The following PODXL variants were observed in gnomAD, a reference collection of about 807,000 sequenced individuals.
The protein encoded by PODXL is podocalyxin.
PODXL carries 20 observed loss-of-function variants against 48.9 expected under a neutral mutation model. The ratio of observed to expected loss-of-function variants is 0.41; its 90% CI spans 0.29 to 0.59. PODXL has a LOEUF of 0.59. Among genes scored for constraint, PODXL ranks in the 20% least tolerant of loss-of-function variants. The pLI, the probability that PODXL is intolerant of heterozygous loss-of-function variation, is 0.31. For synonymous variants in PODXL, 295 were observed against 287.4 expected, an observed-to-expected ratio of 1.03 and a Z score of -0.27; for missense variants, 606 against 675.1, an observed-to-expected ratio of 0.90 and a Z score of 1.13.
Position 131,500,732 on chromosome 7 carries a change from G to GTTCT in PODXL, c.*3575_*3578dup, listed in dbSNP as rs1366271970. The GTTCT allele has an allele frequency of 6.6e-6, 1 of 152,214 alleles. No individual in the cohort carries two copies. Among genetic ancestry groups the GTTCT allele is most frequent in the Non-Finnish European group, 1.5e-5 (1 of 68,034 alleles). The allele number at this position is 152,214 out of a possible 1,614,324, so 9.4% of individuals were successfully genotyped here. A position where few individuals can be genotyped will look rare whatever the true frequency, so the allele number is the denominator to read the frequency against. On this transcript the variant is annotated 3_prime_UTR_variant, in exon 9 of 9. Transcript: ENST00000378555. Reference sequence around the variant, plus strand: ...GATTCAGAGAAAGTGTAGAAGACCAGTTCTTATGTTTGTGTTCATGCCCTC... The same window carrying GTTCT: ...GATTCAGAGAAAGTGTAGAAGACCAGTTCTTTCTTATGTTTGTGTTCATGCCCTC...
intron 1 of PODXL, among the ~76,000 whole-genome samples, chr7:131,552,429 C>T (rs1406505066): frequency 1.3e-5 from 2 of 152,196 alleles, no homozygotes; most frequent in Admixed American, 1.3e-4. Context: ...GTCCCCTTCC[C>T]CTCTCAGCTT....
At chr7:131,516,689 T>G (rs1226320469) in intron 1 of PODXL, among the ~76,000 whole-genome samples, 1 of 151,902 alleles carries the variant, frequency 6.6e-6, no homozygotes, top group Admixed American at 6.6e-5. Flanking sequence ...TGAGAATGTA[T>G]TATAAATAAT....
intron 1 of PODXL, among the ~76,000 whole-genome samples, chr7:131,531,988 T>C (rs1245212804): frequency 6.6e-6 from 1 of 151,960 alleles, no homozygotes; most frequent in Non-Finnish European, 1.5e-5. Flanking sequence ...TGCATGGCTG[T>C]AATCCCAGCT....
At chr7:131,555,030 G>A (rs1798722186) in intron 1 of PODXL, among the ~76,000 whole-genome samples, 1 of 152,192 alleles carries the variant, frequency 6.6e-6, no homozygotes. Context: ...GTCTCCCGCC[G>A]GCCACAGGAG....
chr7:131,533,102 C>T (rs567570228), intron 1 of PODXL, among the ~76,000 whole-genome samples: 1 of 152,344 alleles, frequency 6.6e-6, no homozygotes, highest in East Asian at 1.9e-4. Flanking sequence ...GCTGCTCCAA[C>T]TGTCTGGGGC....
Position 131,501,151 on chromosome 7 carries a change from A to G in PODXL, c.*3160T>C, listed in dbSNP as rs1227448763. On this transcript the variant is annotated 3_prime_UTR_variant, in exon 9 of 9. Transcript: ENST00000378555. Reference sequence around the variant, plus strand: ...TGATCTACAAGACAAATACTTTATCATAAGTTTGTCTTGTTATATTTCATT... The same window carrying G: ...TGATCTACAAGACAAATACTTTATCGTAAGTTTGTCTTGTTATATTTCATT... The G allele has an allele frequency of 1.3e-5, 2 of 152,588 alleles. No individual in the cohort carries two copies. The highest frequency in any genetic ancestry group is 4.8e-5 in the African/African-American group (2 of 41,408). 9.5% of individuals were successfully genotyped at this position (152,588 alleles called of 1,614,324 possible).
chr7:131,556,513 G>C lies in PODXL; in HGVS notation c.-154C>G. On this transcript the variant is annotated 5_prime_UTR_variant, in exon 1 of 9. Transcript: ENST00000378555. The stretch of plus-strand genomic sequence containing the variant: ...CGGGGCTCCCGAGTCGCGCTGCGGC[G>C]GCTCTTCCTCCCTGCCGCTGCAGCA... The C allele has an allele frequency of 1.1e-6, 1 of 912,490 alleles. No individual in the cohort carries two copies. The highest frequency in any genetic ancestry group is 1.4e-6 in the Non-Finnish European group (1 of 695,260). 56.5% of individuals were successfully genotyped at this position (912,490 alleles called of 1,614,324 possible).
In PODXL at chr7:131,509,463, TA is replaced by T. The variant is rs1797872296; in HGVS notation, c.924del (p.Thr309ProfsTer6). The T allele has an allele frequency of 6.2e-7, 1 of 1,613,684 alleles. No individual in the cohort carries two copies. Among genetic ancestry groups the T allele is most frequent in the African/African-American group, 1.3e-5 (1 of 74,874 alleles). ...CTGGAGCTCATGGTCTCTGGCAGGG[TA>T]GGTGTTCTCAATGCCGTTGCCGGGC... ...PTSPATALRT[P>X]TLPETMSSSP... On this transcript the variant is annotated frameshift_variant, in exon 4 of 9. Coordinates refer to ENST00000378555, the MANE Select transcript of PODXL (RefSeq NM_001018111.3). LOFTEE classifies it high-confidence loss of function.
At position 131,506,617 on chromosome 7, in the gene PODXL, C is replaced by A. The variant is rs370901943; in HGVS notation, c.1211G>T (p.Gly404Val). ...KCGIRLASVP[G>V]SQTVVVKEIT... ...TTCTTTGACGACCACGGTCTGACTT[C>A]CTGGAACAGATGCCAGCCGTATGCC... Residue 404 changes from glycine (G) to valine (V), a missense_variant, in exon 6 of 9, where the codon GGA (glycine) becomes GTA (valine). Physicochemically the swap from Gly to Val is moderately radical, Grantham distance 109. Transcript: ENST00000378555. 6 of 1,614,088 alleles carry A rather than the reference C, an allele frequency of 3.7e-6. No individual in the cohort carries two copies. In the African/African-American group the frequency reaches 8.0e-5, roughly 22 times the overall value.
chr7:131,541,770 T>G (rs952004112), intron 1 of PODXL, among the ~76,000 whole-genome samples: 8 of 151,868 alleles, frequency 5.3e-5, no homozygotes, highest in Non-Finnish European at 1.0e-4. Flanking sequence ...GCAGGGAAAG[T>G]TAAAGGCCAT....
chr7:131,506,602 A>T lies in PODXL; in HGVS notation c.1226T>A (p.Val409Asp), dbSNP rs201527002. The T allele has an allele frequency of 6.2e-7, 1 of 1,614,038 alleles. No homozygotes were observed. Among genetic ancestry groups the T allele is most frequent in the East Asian group, 2.2e-5 (1 of 44,846 alleles). ...LASVPGSQTV[V>D]VKEITIHTKL... ...ACTGTGAATAGTGATTTCTTTGACG[A>T]CCACGGTCTGACTTCCTGGAACAGA... Residue 409 changes from valine (V) to aspartate (D), a missense_variant, in exon 6 of 9, where the codon GTC becomes GAC. Coordinates refer to ENST00000378555, the MANE Select transcript of PODXL (RefSeq NM_001018111.3).
intron 1 of PODXL, among the ~76,000 whole-genome samples, chr7:131,547,670 A>T (rs1798603168): frequency 6.6e-6 from 1 of 152,142 alleles, no homozygotes; most frequent in African/African-American, 2.4e-5. Context: ...TTACGTAGAG[A>T]CCTATCATAC....
intron 1 of PODXL, among the ~76,000 whole-genome samples, chr7:131,537,117 C>A (rs1271699727): frequency 6.6e-6 from 1 of 151,824 alleles, no homozygotes; most frequent in Non-Finnish European, 1.5e-5. Flanking sequence ...CAGAGTGAGA[C>A]CCTGTATATA....
chr7:131,525,838 T>TA (rs1390527740), intron 1 of PODXL, among the ~76,000 whole-genome samples: 1 of 152,188 alleles, frequency 6.6e-6, no homozygotes, highest in Non-Finnish European at 1.5e-5. Flanking sequence ...GCCAGGTTTC[T>TA]AGCTCTTGGA....
intron 1 of PODXL, among the ~76,000 whole-genome samples, chr7:131,517,018 CTTT>C (rs1344948979): frequency 6.6e-6 from 1 of 152,044 alleles, no homozygotes; most frequent in African/African-American, 2.4e-5. Context: ...CCATGCTTGG[CTTT>C]TTTTCTTAGT....
chr7:131,522,345 G>A (rs1032851430), intron 1 of PODXL, among the ~76,000 whole-genome samples: 5 of 152,246 alleles, frequency 3.3e-5, no homozygotes, highest in East Asian at 1.9e-4. Context: ...CCCAGCTACC[G>A]AGACAGGAGA....
chr7:131,509,634 C>T (rs375584430), intron 3 of PODXL, 49 bp from the exon 4 acceptor site: 37 of 1,224,226 alleles, frequency 3.0e-5, no homozygotes, highest in African/African-American at 4.5e-5. Context: ...TGCACCCTTG[C>T]GAGAAGAGGA....
intron 1 of PODXL, among the ~76,000 whole-genome samples, chr7:131,519,815 T>C (rs1204296055): frequency 6.6e-6 from 1 of 152,176 alleles, no homozygotes; most frequent in Admixed American, 6.5e-5. Flanking sequence ...TACAATCTCC[T>C]GGGGTCAAGC....
In PODXL at chr7:131,523,555, A is replaced by G. The variant is rs187193593; in HGVS notation, c.101-12122T>C. 9.6e-3 allele frequency among the ~76,000 whole-genome samples: 1,455 copies of G among 150,836 alleles called. 21 individuals are homozygous for G. Among genetic ancestry groups the G allele is most frequent in the African/African-American group, 0.034 (1,402 of 41,140 alleles). ...AAATTAGCCGGGCTTGGTGGCGGGC[A>G]CCTGTAATCTCAGCTACTTGGGAGG... On this transcript the variant is annotated intron_variant, in intron 1 of 8. Transcript: ENST00000378555.
Sources: allele counts gnomAD v4.1 joint callset (sites outside exome capture counted in the v4.1 genomes callset), GRCh38; gene constraint gnomAD v4.1.1; transcripts MANE v1.5; gene names NCBI Gene and HGNC (gene_info 2026-07-23, HGNC 2026-07-21).